The following FAM161A variants were observed in gnomAD, a reference collection of about 807,000 sequenced individuals.
FAM161A encodes the protein FAM161 centrosomal protein A, also known as protein FAM161A.
In FAM161A, 57 loss-of-function variants were observed where a neutral mutation model predicts 70.9. The ratio of observed to expected loss-of-function variants is 0.80; its 90% CI spans 0.65 to 1.00. The LOEUF (loss-of-function observed/expected upper bound fraction) is 1.00. FAM161A is among the 50% of genes least tolerant of loss of function. FAM161A has a pLI of 0.00. For missense variants in FAM161A, 880 were observed against 836.0 expected (o/e 1.05, Z -0.65); for synonymous variants, 299 against 295.7 (o/e 1.01, Z -0.12).
At chr2:61,805,390 C>T in the FAM161A span, among the ~76,000 whole-genome samples, 1 of 152,086 alleles carries the variant, frequency 6.6e-6, no homozygotes, top group Non-Finnish European at 1.5e-5. Flanking sequence ...GTGGCGGGAG[C>T]CTGTAATCCC....
rs748245917 is a variant in FAM161A, at chr2:61,840,548, G to A, written c.456C>T (p.Val152=). The A allele has an allele frequency of 1.2e-6, 2 of 1,613,156 alleles. No individual in the cohort carries two copies. Among genetic ancestry groups the A allele is most frequent in the South Asian group, 2.2e-5 (2 of 91,064 alleles). The change falls in exon 3 of 7, where the codon GTC becomes GTT. Residue 152 remains valine (V), a synonymous_variant. Coordinates refer to ENST00000404929, the MANE Select transcript of FAM161A (RefSeq NM_001201543.2). ...GCTCTGAAAATGATGTCATTAATGA[G>A]ACAGGGTGATAGGAGTTCTTTTCTG... ...SVSEKNSYHP[V]SLMTSFSEPD...
intron 1 of FAM161A, among the ~76,000 whole-genome samples, chr2:61,852,187 T>G (rs559289869): frequency 3.2e-4 from 48 of 152,162 alleles, no homozygotes; most frequent in African/African-American, 9.2e-4. Context: ...TTTTTTTTTT[T>G]GTAGGATCCT....
the FAM161A span, chr2:61,803,183 C>T: frequency 1.9e-6 from 1 of 530,750 alleles, no homozygotes; most frequent in Non-Finnish European, 3.6e-6. Context: ...GCAACAGTGC[C>T]TAAGACAGAA....
the FAM161A span, among the ~76,000 whole-genome samples, chr2:61,806,743 A>C: frequency 4.5e-5 from 5 of 112,076 alleles, no homozygotes; most frequent in Non-Finnish European, 8.1e-5. Context: ...CCCAGGCTGG[A>C]GTGCAGTGGC....
chr2:61,823,175 C>G (rs1484649988), downstream of FAM161A, among the ~76,000 whole-genome samples: 1 of 150,436 alleles, frequency 6.6e-6, no homozygotes, highest in Admixed American at 6.6e-5. Flanking sequence ...TCTACTAAAA[C>G]TATAAAAATT....
intron 1 of FAM161A, among the ~76,000 whole-genome samples, chr2:61,851,238 A>G (rs1336720659): frequency 1.3e-5 from 2 of 152,218 alleles, no homozygotes; most frequent in Admixed American, 6.5e-5. Flanking sequence ...TGTGAGCTAT[A>G]TATACACTGA....
At chr2:61,804,236 T>A in the FAM161A span, among the ~76,000 whole-genome samples, 1 of 152,164 alleles carries the variant, frequency 6.6e-6, no homozygotes, top group East Asian at 1.9e-4. Context: ...TTTGGTGGGT[T>A]TTAGCCGACT....
At chr2:61,810,453 CTT>C in the FAM161A span, among the ~76,000 whole-genome samples, 5 of 95,610 alleles carry the variant, frequency 5.2e-5, no homozygotes, top group South Asian at 3.8e-4. Flanking sequence ...CCAGCACTTC[CTT>C]TTTTTTTTTT....
At chr2:61,846,142 G>A (rs1673205613) in intron 1 of FAM161A, among the ~76,000 whole-genome samples, 1 of 148,604 alleles carries the variant, frequency 6.7e-6, no homozygotes, top group African/African-American at 2.5e-5. Context: ...ATCACAGAGT[G>A]TTTATGGGAA....
At chr2:61,846,779 A>G in intron 1 of FAM161A, 1 of 357,070 alleles carries the variant, frequency 2.8e-6, no homozygotes, top group South Asian at 2.0e-5. Flanking sequence ...TAGCCCTCTG[A>G]CTGCTTCCTG....
Position 61,842,168 on chromosome 2 carries a change from C to A in FAM161A, c.376G>T (p.Val126Phe), listed in dbSNP as rs759928249. 1 of 1,613,756 alleles carries A rather than the reference C, an allele frequency of 6.2e-7. No individual in the cohort carries two copies. The highest frequency in any genetic ancestry group is 1.1e-5 in the South Asian group (1 of 91,078). ...TCTTCTCTGATGACCACTGGCTGAA[C>A]TTCCTTTAAATGTAATTTATCCTGG... Reference protein sequence around the residue: ...MYQDKLHLKEVQPVVIREDSL... With the variant: ...MYQDKLHLKEFQPVVIREDSL... The change falls in exon 2 of 7, where the codon GTT becomes TTT. Residue 126 changes from valine to phenylalanine, a missense_variant. Transcript: ENST00000404929.
intron 5 of FAM161A, among the ~76,000 whole-genome samples, chr2:61,829,732 T>C (rs1328816277): frequency 6.6e-6 from 1 of 152,184 alleles, no homozygotes; most frequent in Non-Finnish European, 1.5e-5. Flanking sequence ...TCATCTGACT[T>C]TGGTTTAAAA....
intron 2 of FAM161A, among the ~76,000 whole-genome samples, chr2:61,841,156 T>C (rs1673006493): frequency 6.6e-6 from 1 of 152,082 alleles, no homozygotes. Flanking sequence ...CTTTCCAGAG[T>C]CACTGTCCTG....
downstream of FAM161A, among the ~76,000 whole-genome samples, chr2:61,822,537 A>G (rs753455032): frequency 6.6e-6 from 1 of 152,216 alleles, no homozygotes; most frequent in Non-Finnish European, 1.5e-5. Context: ...GTGATAGTTG[A>G]GAAGGGCATA....
intron 5 of FAM161A, among the ~76,000 whole-genome samples, chr2:61,828,779 G>C (rs912092864): frequency 1.3e-5 from 2 of 152,290 alleles, no homozygotes; most frequent in Middle Eastern, 3.4e-3. Flanking sequence ...TTAGAACTGG[G>C]TTCAAATCTG....
intron 5 of FAM161A, among the ~76,000 whole-genome samples, chr2:61,833,662 AT>A (rs1672667333): frequency 1.3e-5 from 2 of 152,186 alleles, no homozygotes; most frequent in South Asian, 4.1e-4. Flanking sequence ...AATGAAAAAG[AT>A]AAAAGAACAG....
intron 1 of FAM161A, 34 bp downstream of exon 1, chr2:61,853,825 C>G: frequency 1.2e-6 from 2 of 1,612,386 alleles, no homozygotes; most frequent in South Asian, 1.1e-5. Flanking sequence ...CCAGCCCATG[C>G]GAGGTCCCAG....
In FAM161A at chr2:61,852,041, G is replaced by A. The variant is rs182533123; in HGVS notation, c.183+1818C>T. On this transcript the variant is annotated intron_variant, in intron 1 of 6. Transcript: ENST00000404929. ...AGAGCCTATTTCCTGCACTCTTCCTGCCTTCTTAATGCCTCTTCCCCCAGC... is the reference window on the plus strand; with the variant it reads ...AGAGCCTATTTCCTGCACTCTTCCTACCTTCTTAATGCCTCTTCCCCCAGC... 1.5e-4 allele frequency among the ~76,000 whole-genome samples: 23 copies of A among 152,240 alleles called. No individual in the cohort carries two copies. The East Asian group carries it at 3.3e-3, about 22-fold the overall frequency.
the FAM161A span, among the ~76,000 whole-genome samples, chr2:61,808,074 G>A: frequency 6.6e-6 from 1 of 152,186 alleles, no homozygotes; most frequent in East Asian, 1.9e-4. Context: ...GGATTTATTT[G>A]GGAGGTGATG....
Sources: gnomAD v4.1 joint callset for allele counts (sites outside exome capture counted in the v4.1 genomes callset) on GRCh38, gnomAD v4.1.1 for gene constraint, MANE v1.5 for transcripts, NCBI Gene and HGNC (gene_info 2026-07-23, HGNC 2026-07-21) for gene names.